Variants in KAZN observed in about 807,000 individuals in gnomAD.
The protein encoded by KAZN is kazrin.
Under a neutral mutation model 87.4 loss-of-function variants are expected in KAZN, and 40 were observed. The ratio of observed to expected loss-of-function variants is 0.46; its 90% CI spans 0.36 to 0.60. The LOEUF is 0.60. KAZN is among the 20% of genes least tolerant of loss of function. The pLI is 0.00. For synonymous variants in KAZN, 466 were observed against 458.3 expected (o/e 1.02, Z -0.22); for missense variants, 898 against 1,073.9 (o/e 0.84, Z 2.29).
At chr1:14,900,600 A>G (rs1655759035) in intron 1 of KAZN, among the ~76,000 whole-genome samples, 1 of 151,972 alleles carries the variant, frequency 6.6e-6, no homozygotes, top group African/African-American at 2.4e-5. Flanking sequence ...AAAAAATAGA[A>G]AAAATTAGCC....
chr1:14,149,106 T>C (rs1645417685), intron 1 of KAZN, among the ~76,000 whole-genome samples: 1 of 132,434 alleles, frequency 7.6e-6, no homozygotes, highest in African/African-American at 2.9e-5. Context: ...TTTCTTTCCT[T>C]TTTTTTTTTT....
At chr1:14,461,062 A>G (rs575243100) in intron 2 of KAZN, among the ~76,000 whole-genome samples, 2 of 152,264 alleles carry the variant, frequency 1.3e-5, no homozygotes, top group Middle Eastern at 6.8e-3. Flanking sequence ...TATGGTGGCT[A>G]TAAGTTTTGG....
At chr1:14,698,314 G>T (rs1345693568) in intron 1 of KAZN, among the ~76,000 whole-genome samples, 2 of 152,134 alleles carry the variant, frequency 1.3e-5, no homozygotes, top group Admixed American at 6.5e-5. Context: ...GTGCCCAGGG[G>T]TGGAGACCCA....
intron 8 of KAZN, among the ~76,000 whole-genome samples, chr1:15,083,699 T>C (rs1640116552): frequency 6.6e-6 from 1 of 152,128 alleles, no homozygotes; most frequent in South Asian, 2.1e-4. Flanking sequence ...TCTCTCTGTG[T>C]CTGTCTCTCA....
intron 1 of KAZN, among the ~76,000 whole-genome samples, chr1:14,842,145 C>A (rs1041165228): frequency 6.6e-6 from 1 of 152,306 alleles, no homozygotes; most frequent in Non-Finnish European, 1.5e-5. Flanking sequence ...CTCAGCCCAA[C>A]CCCCACTAGA....
intron 1 of KAZN, among the ~76,000 whole-genome samples, chr1:13,906,456 C>T (rs1358785782): frequency 1.3e-5 from 2 of 152,154 alleles, no homozygotes; most frequent in East Asian, 3.9e-4. Context: ...GGAAATGATG[C>T]TTCTAAAACC....
At chr1:14,305,899 GGC>G (rs1475342103) in intron 2 of KAZN, among the ~76,000 whole-genome samples, 1 of 152,046 alleles carries the variant, frequency 6.6e-6, no homozygotes, top group Non-Finnish European at 1.5e-5. Flanking sequence ...GGCAGGTAGG[GGC>G]TCTGATGTTA....
chr1:14,126,380 T>G (rs1644869358), intron 1 of KAZN, among the ~76,000 whole-genome samples: 1 of 145,982 alleles, frequency 6.9e-6, no homozygotes, highest in Non-Finnish European at 1.5e-5. Context: ...ATGCTTAATT[T>G]ATTTATTACA....
At chr1:14,061,242 A>T (rs1263973508) in intron 1 of KAZN, among the ~76,000 whole-genome samples, 1 of 152,176 alleles carries the variant, frequency 6.6e-6, no homozygotes, top group Admixed American at 6.5e-5. Context: ...AGAGACCCCT[A>T]TGTCACCTGG....
chr1:14,394,639 A>G (rs1662739738), intron 2 of KAZN, among the ~76,000 whole-genome samples: 4 of 152,150 alleles, frequency 2.6e-5, no homozygotes, highest in African/African-American at 9.7e-5. Flanking sequence ...TAGCTCCTTT[A>G]CAATCTTAAC....
At chr1:14,109,352 C>T (rs1453276665) in intron 1 of KAZN, among the ~76,000 whole-genome samples, 1 of 152,190 alleles carries the variant, frequency 6.6e-6, no homozygotes, top group African/African-American at 2.4e-5. Flanking sequence ...TGAAAACTAA[C>T]TCTCCTTCTG....
At chr1:14,830,239 C>T (rs572023175) in intron 1 of KAZN, among the ~76,000 whole-genome samples, 30 of 152,228 alleles carry the variant, frequency 2.0e-4, no homozygotes, top group Non-Finnish European at 2.9e-4. Flanking sequence ...TTCCCTGAGC[C>T]GTAGCAGGTG....
intron 1 of KAZN, among the ~76,000 whole-genome samples, chr1:14,122,662 A>G (rs1644777043): frequency 6.6e-6 from 1 of 152,190 alleles, no homozygotes; most frequent in Admixed American, 6.5e-5. Context: ...TAAAGTAGCT[A>G]ATTGCACCTA....
At chr1:14,764,244 G>A (rs1039716309) in intron 1 of KAZN, among the ~76,000 whole-genome samples, 1 of 151,818 alleles carries the variant, frequency 6.6e-6, no homozygotes, top group African/African-American at 2.4e-5. Flanking sequence ...TTTCTGCTTC[G>A]GGCAACCTCC....
At chr1:13,949,693 C>T (rs1050195496) in intron 1 of KAZN, among the ~76,000 whole-genome samples, 1 of 152,160 alleles carries the variant, frequency 6.6e-6, no homozygotes, top group African/African-American at 2.4e-5. Context: ...TATGAATATA[C>T]CTTATGATGG....
chr1:14,778,827 G>T lies in KAZN; in HGVS notation c.226+179604G>T, dbSNP rs547777120. ...GTAAGTCAAGAATTCTGGTAAAGCT[G>T]GGCTGGGTTTTTCTGCTCACATGCA... On this transcript the variant is annotated intron_variant, in intron 1 of 14. Coordinates refer to ENST00000376030, the MANE Select transcript of KAZN (RefSeq NM_201628.3). Among the ~76,000 whole-genome samples the T allele has an allele frequency of 4.6e-5, 7 of 152,292 alleles. No homozygotes were observed. In the East Asian group the frequency reaches 1.2e-3, roughly 25 times the overall value.
intron 2 of KAZN, chr1:14,391,460 C>T (rs1662416686): frequency 6.6e-6 from 1 of 152,438 alleles, no homozygotes. Context: ...GTAACTTACT[C>T]CGGGGAAACC....
intron 1 of KAZN, among the ~76,000 whole-genome samples, chr1:13,936,264 T>G (rs75878061): frequency 8.2e-5 from 12 of 146,310 alleles, no homozygotes; most frequent in African/African-American, 2.7e-4. Flanking sequence ...GCCTGGCTAA[T>G]TTTTTTTTTG....
At chr1:15,042,966 G>A (rs1243385475) in intron 3 of KAZN, among the ~76,000 whole-genome samples, 2 of 152,206 alleles carry the variant, frequency 1.3e-5, no homozygotes, top group Non-Finnish European at 2.9e-5. Flanking sequence ...ACTTTGCTCC[G>A]GCCAACAGAG....
Sources: gnomAD v4.1 joint callset for allele counts (sites outside exome capture counted in the v4.1 genomes callset) on GRCh38, gnomAD v4.1.1 for gene constraint, MANE v1.5 for transcripts, NCBI Gene and HGNC (gene_info 2026-07-23, HGNC 2026-07-21) for gene names.